Variants in RIPOR2 observed in about 807,000 individuals in gnomAD.
The protein encoded by RIPOR2 is RHO family interacting cell polarization regulator 2.
In RIPOR2, 39 loss-of-function variants were observed where a neutral mutation model predicts 114.5. That is an observed-to-expected ratio of 0.34 (90% confidence interval 0.26 to 0.44). The LOEUF is 0.44. Among genes scored for constraint, RIPOR2 ranks in the 20% least tolerant of loss-of-function variants. RIPOR2 has a pLI of 1.00. For missense variants in RIPOR2, 1,007 were observed against 1,255.1 expected (o/e 0.80, Z 2.99); for synonymous variants, 445 against 484.4 (o/e 0.92, Z 1.07).
At chr6:24,852,473 T>TAAA in intron 9 of RIPOR2, 102 bp downstream of exon 9, 5 of 752,278 alleles carry the variant, frequency 6.6e-6, no homozygotes, top group South Asian at 1.8e-5. Flanking sequence ...AATTAAAAAT[T>TAAA]AAAAAAAAAA....
At chr6:24,885,778 A>C (rs1766784363) in intron 1 of RIPOR2, among the ~76,000 whole-genome samples, 1 of 152,212 alleles carries the variant, frequency 6.6e-6, no homozygotes, top group Non-Finnish European at 1.5e-5. Context: ...GTGTTTAATA[A>C]GCCTAGCTGT....
intron 2 of RIPOR2, 76 bp from the exon 3 acceptor site, chr6:24,873,875 T>C: frequency 7.9e-7 from 1 of 1,266,732 alleles, no homozygotes; most frequent in Non-Finnish European, 1.1e-6. Flanking sequence ...TCTTCTATTA[T>C]TTACTTGTTT....
intron 1 of RIPOR2, among the ~76,000 whole-genome samples, chr6:24,968,188 G>T (rs1773620463): frequency 6.6e-6 from 1 of 152,160 alleles, no homozygotes; most frequent in Non-Finnish European, 1.5e-5. Flanking sequence ...TTACAGGCAT[G>T]AGCCACTGCA....
At chr6:24,860,154 G>C (rs951092048) in intron 8 of RIPOR2, among the ~76,000 whole-genome samples, 4 of 152,132 alleles carry the variant, frequency 2.6e-5, no homozygotes, top group African/African-American at 9.7e-5. Context: ...GCACTGGGAG[G>C]GGAAAAATTC....
At chr6:25,041,766 T>C (rs1777468007) in intron 1 of RIPOR2, 1 of 655,378 alleles carries the variant, frequency 1.5e-6, no homozygotes, top group Non-Finnish European at 2.8e-6. Flanking sequence ...TTGGAGAAGA[T>C]TTGCAGAGGG....
At chr6:25,022,096 T>C (rs902772352) in intron 1 of RIPOR2, among the ~76,000 whole-genome samples, 1 of 152,228 alleles carries the variant, frequency 6.6e-6, no homozygotes, top group Non-Finnish European at 1.5e-5. Flanking sequence ...ATAATTTACA[T>C]GGAGTAAAAT....
intron 1 of RIPOR2, among the ~76,000 whole-genome samples, chr6:25,010,666 T>C (rs890371543): frequency 2.0e-5 from 3 of 152,180 alleles, no homozygotes; most frequent in Non-Finnish European, 2.9e-5. Flanking sequence ...GCTTTATAAG[T>C]AGGAGCCTGT....
intron 1 of RIPOR2, among the ~76,000 whole-genome samples, chr6:24,975,082 C>T (rs1388670727): frequency 6.6e-6 from 1 of 152,132 alleles, no homozygotes. Context: ...GATAGTAGTA[C>T]AGCTCTGTGA....
At position 25,032,187 on chromosome 6, in the gene RIPOR2, GT is replaced by G. The variant is rs770986663; in HGVS notation, c.76+9663del. Reference sequence around the variant, plus strand: ...TATCAGCAAGCGAATCCTTTATGGTGTTTTTTTTTTTTTCACTTGCTTGAAA... The same window carrying G: ...TATCAGCAAGCGAATCCTTTATGGTGTTTTTTTTTTTTCACTTGCTTGAAA... On this transcript the variant is annotated intron_variant, in intron 1 of 13. Coordinates refer to the RIPOR2 transcript ENST00000510784. Among the ~76,000 whole-genome samples, 594 of 138,826 alleles carry G rather than the reference GT, an allele frequency of 4.3e-3. 4 individuals carry two copies. Among genetic ancestry groups the G allele is most frequent in the East Asian group, 0.019 (92 of 4,772 alleles). 91.1% of individuals were successfully genotyped at this position (138,826 alleles called of 152,430 possible).
intron 12 of RIPOR2, among the ~76,000 whole-genome samples, chr6:24,845,024 G>A (rs537419226): frequency 2.6e-5 from 4 of 151,862 alleles, no homozygotes; most frequent in African/African-American, 4.8e-5. Context: ...ACTAGATCCC[G>A]ACACATGCAG....
chr6:24,831,942 T>C (rs894353804), intron 16 of RIPOR2, among the ~76,000 whole-genome samples: 3 of 152,154 alleles, frequency 2.0e-5, no homozygotes, highest in Non-Finnish European at 2.9e-5. Context: ...CATCCTATAG[T>C]CATCTGTCCC....
chr6:25,039,248 C>T (rs372750215), intron 1 of RIPOR2, among the ~76,000 whole-genome samples: 1 of 152,196 alleles, frequency 6.6e-6, no homozygotes, highest in African/African-American at 2.4e-5. Context: ...CAGTGATAAG[C>T]GTCCTTCCCT....
upstream of RIPOR2, among the ~76,000 whole-genome samples, chr6:24,937,621 G>A (rs1771889868): frequency 6.6e-6 from 1 of 152,154 alleles, no homozygotes; most frequent in African/African-American, 2.4e-5. Flanking sequence ...CTTTTGTGTG[G>A]TTGGGATAAG....
chr6:24,944,327 T>C (rs1772300180), intron 1 of RIPOR2, among the ~76,000 whole-genome samples: 1 of 152,098 alleles, frequency 6.6e-6, no homozygotes, highest in South Asian at 2.1e-4. Context: ...GATTTATTGG[T>C]CCCAGGCATC....
chr6:25,037,902 C>T lies in RIPOR2; in HGVS notation c.76+3949G>A, dbSNP rs776692466. On this transcript the variant is annotated intron_variant, in intron 1 of 13. Coordinates refer to the RIPOR2 transcript ENST00000510784. This position sits in a 1 kb window ranked among gnomAD's most constrained non-coding sequence, Gnocchi z 4.5. ...CACCTGGGGAGATTTGAATATGGTC[C>T]GGGTATTAAATAATATGTGGGGATC... Among the ~76,000 whole-genome samples the T allele has an allele frequency of 2.0e-5, 3 of 151,946 alleles. No individual in the cohort carries two copies. Among genetic ancestry groups the T allele is most frequent in the Admixed American group, 6.6e-5 (1 of 15,262 alleles).
chr6:25,011,983 C>G (rs1482083376), intron 1 of RIPOR2, among the ~76,000 whole-genome samples: 2 of 152,154 alleles, frequency 1.3e-5, no homozygotes, highest in Non-Finnish European at 2.9e-5. Flanking sequence ...AATCATATAT[C>G]TGATAAGGGG....
chr6:25,022,594 G>A (rs1776387729), intron 1 of RIPOR2, among the ~76,000 whole-genome samples: 1 of 104,962 alleles, frequency 9.5e-6, no homozygotes, highest in Admixed American at 1.1e-4. Flanking sequence ...CTGTCACCCA[G>A]GCTGGAGTGG....
chr6:24,837,774 C>T (rs772403025), intron 14 of RIPOR2, among the ~76,000 whole-genome samples: 25 of 151,622 alleles, frequency 1.6e-4, no homozygotes, highest in Middle Eastern at 3.4e-3. Flanking sequence ...CCCCAGATTG[C>T]TTATGGGGTA....
At chr6:25,025,393 G>A (rs113670643) in intron 1 of RIPOR2, among the ~76,000 whole-genome samples, 2,357 of 152,184 alleles carry the variant, frequency 0.015, 31 homozygotes, top group Non-Finnish European at 0.021. Context: ...TTGAATAACA[G>A]TGCTCTGGAA....
Sources: allele counts gnomAD v4.1 joint callset (sites outside exome capture counted in the v4.1 genomes callset), GRCh38; gene constraint gnomAD v4.1.1; non-coding constraint Gnocchi (gnomAD v3.1); transcripts MANE v1.5; gene names NCBI Gene and HGNC (gene_info 2026-07-23, HGNC 2026-07-21).